GNAL: variants seen among roughly 807,000 people sequenced by gnomAD.
GNAL encodes guanine nucleotide-binding protein G(olf) subunit alpha.
GNAL carries 18 observed loss-of-function variants against 55.1 expected under a neutral mutation model. The ratio of observed to expected loss-of-function variants is 0.33; its 90% CI spans 0.23 to 0.48. GNAL has a LOEUF of 0.48. Ranked by LOEUF, GNAL falls within the 20% of genes least tolerant of loss-of-function variation. The pLI is 0.99. For missense variants in GNAL, 412 were observed against 614.1 expected (o/e 0.67, Z 3.48); for synonymous variants, 253 against 237.0 (o/e 1.07, Z -0.62).
In GNAL at chr18:11,874,921, TCA is replaced by T. The variant is rs560768247; in HGVS notation, c.1163-1697_1163-1696del. Among the ~76,000 whole-genome samples, 9 of 150,150 alleles carry T rather than the reference TCA, an allele frequency of 6.0e-5. No homozygotes were observed. The East Asian group carries it at 1.8e-3, about 30-fold the overall frequency. ...TCTATGAATCTGTGAGTAAGTGTCC[TCA>T]CAGCCTCACACACCCTGCAACAGAG... On this transcript the variant is annotated intron_variant, in intron 10 of 11. Transcript: ENST00000334049.
At chr18:11,780,757 G>A (rs1261171150) in intron 4 of GNAL, among the ~76,000 whole-genome samples, 3 of 152,080 alleles carry the variant, frequency 2.0e-5, no homozygotes, top group South Asian at 2.1e-4. Flanking sequence ...GAAAAAGCGC[G>A]GTAAGGTGAA....
chr18:11,727,251 C>T (rs901199247), intron 1 of GNAL, among the ~76,000 whole-genome samples: 1 of 152,204 alleles, frequency 6.6e-6, no homozygotes, highest in Non-Finnish European at 1.5e-5. Flanking sequence ...TCCATCTGGG[C>T]GGAGCCGCAG....
At chr18:11,812,800 A>G (rs2034851583) in intron 4 of GNAL, among the ~76,000 whole-genome samples, 1 of 151,932 alleles carries the variant, frequency 6.6e-6, no homozygotes, top group South Asian at 2.1e-4. Flanking sequence ...CCGAGCTCGC[A>G]CCACTGCACT....
chr18:11,819,034 CCAGA>C (rs1377159818), intron 4 of GNAL, among the ~76,000 whole-genome samples: 1 of 150,908 alleles, frequency 6.6e-6, no homozygotes, highest in Non-Finnish European at 1.5e-5. Context: ...CCCACAGCCG[CCAGA>C]CAGACGGCAC....
intron 4 of GNAL, among the ~76,000 whole-genome samples, chr18:11,806,938 A>G (rs1462274004): frequency 1.3e-5 from 2 of 152,074 alleles, no homozygotes; most frequent in Non-Finnish European, 2.9e-5. Context: ...CAGTGCTGGT[A>G]TTACAGGCGT....
intron 1 of GNAL, among the ~76,000 whole-genome samples, chr18:11,740,219 C>T (rs2032547334): frequency 6.6e-6 from 1 of 152,016 alleles, no homozygotes; most frequent in Non-Finnish European, 1.5e-5. Flanking sequence ...AAATGAGAGC[C>T]CCTTCAATCC....
intron 1 of GNAL, among the ~76,000 whole-genome samples, chr18:11,695,922 GCACACACA>G (rs10661294): frequency 1.5e-5 from 2 of 136,098 alleles, no homozygotes; most frequent in African/African-American, 3.0e-5. Context: ...ATGCACGCAT[GCACACACA>G]CACACACACA....
chr18:11,867,346 A>G (rs1330086394), intron 8 of GNAL, 120 bp downstream of exon 8: 1 of 709,220 alleles, frequency 1.4e-6, no homozygotes, highest in African/African-American at 1.8e-5. Context: ...GCATTTATAG[A>G]TTATGATGCT....
chr18:11,818,943 G>C (rs1350416560), intron 4 of GNAL, among the ~76,000 whole-genome samples: 1 of 152,206 alleles, frequency 6.6e-6, no homozygotes, highest in Non-Finnish European at 1.5e-5. Flanking sequence ...CCAGGGATGT[G>C]GTCCACCAGC....
At chr18:11,855,591 G>A (rs2035987699) in intron 5 of GNAL, among the ~76,000 whole-genome samples, 1 of 152,166 alleles carries the variant, frequency 6.6e-6, no homozygotes, top group African/African-American at 2.4e-5. Context: ...TCTTGCTGAA[G>A]GAATGCCAAT....
Position 11,885,584 on chromosome 18 carries a change from A to G in GNAL, c.*4449A>G, listed in dbSNP as rs2037094084. 3 of 1,473,720 alleles carry G rather than the reference A, an allele frequency of 2.0e-6. No homozygotes were observed. Among genetic ancestry groups the G allele is most frequent in the East Asian group, 2.3e-5 (1 of 42,830 alleles). The allele number at this position is 1,473,720 out of a possible 1,614,324, so 91.3% of individuals were successfully genotyped here. On this transcript the variant is annotated 3_prime_UTR_variant, in exon 12 of 12. Transcript: ENST00000334049. ...AGAAATTTGTGTGTGGCTTTTGTAA[A>G]TTTTGACCGATTGCAGCAATTAAAT...
At chr18:11,710,814 C>A (rs1420472435) in intron 1 of GNAL, among the ~76,000 whole-genome samples, 1 of 152,126 alleles carries the variant, frequency 6.6e-6, no homozygotes, top group East Asian at 1.9e-4. Context: ...TCTCTTGCTG[C>A]TCAAAAAATT....
At chr18:11,876,432 C>T (rs908207654) in intron 10 of GNAL, among the ~76,000 whole-genome samples, 189 bp from the exon 11 acceptor site, 1 of 122,314 alleles carries the variant, frequency 8.2e-6, no homozygotes, top group Non-Finnish European at 1.7e-5. Flanking sequence ...CACTGCACTC[C>T]AGCCTGGGCA....
chr18:11,842,365 T>C (rs569630340), intron 5 of GNAL, among the ~76,000 whole-genome samples: 9 of 152,286 alleles, frequency 5.9e-5, no homozygotes, highest in Admixed American at 3.9e-4. Flanking sequence ...GGAAAACTAT[T>C]TTTCCATGGA....
chr18:11,820,738 TA>T (rs958752000), intron 4 of GNAL, among the ~76,000 whole-genome samples: 6 of 152,212 alleles, frequency 3.9e-5, no homozygotes, highest in Admixed American at 3.9e-4. Flanking sequence ...TAGAACCCTT[TA>T]AAAAGTAAAT....
Position 11,716,499 on chromosome 18 carries a change from C to T in GNAL, c.376+26560C>T, listed in dbSNP as rs1284617800. On this transcript the variant is annotated intron_variant, in intron 1 of 11. Coordinates refer to ENST00000334049, the MANE Select transcript of GNAL (RefSeq NM_182978.4). ...GGAAGGGGACGGGAGCAGGTTGCCA[C>T]GGCTGGCTCTGGCAGCCTGCTTTTA... is the stretch of plus-strand genomic sequence containing the variant. Among the ~76,000 whole-genome samples, 7 of 152,182 alleles carry T rather than the reference C, an allele frequency of 4.6e-5. No individual in the cohort carries two copies. The South Asian group carries it at 6.2e-4, about 14-fold the overall frequency.
intron 4 of GNAL, among the ~76,000 whole-genome samples, chr18:11,817,738 G>GACCCA (rs2034994656): frequency 6.6e-6 from 1 of 150,438 alleles, no homozygotes; most frequent in African/African-American, 2.5e-5. Context: ...GCAGGTGCGT[G>GACCCA]CCACAACACC....
At chr18:11,743,933 G>A (rs538479905) in intron 1 of GNAL, among the ~76,000 whole-genome samples, 1 of 152,284 alleles carries the variant, frequency 6.6e-6, no homozygotes, top group Admixed American at 6.5e-5. Flanking sequence ...GGTGGTCTTC[G>A]GGGATATTTT....
intron 11 of GNAL, among the ~76,000 whole-genome samples, chr18:11,879,997 G>T (rs749239885): frequency 1.3e-5 from 2 of 151,470 alleles, no homozygotes; most frequent in African/African-American, 2.4e-5. Context: ...GGTGGCTCAC[G>T]CCTGTAATCC....
Sources: gnomAD v4.1 joint callset for allele counts (sites outside exome capture counted in the v4.1 genomes callset) on GRCh38, gnomAD v4.1.1 for gene constraint, MANE v1.5 for transcripts, NCBI Gene and HGNC (gene_info 2026-07-23, HGNC 2026-07-21) for gene names.